CDC73: variants seen among roughly 807,000 people sequenced by gnomAD.
CDC73 encodes the protein parafibromin.
Under a neutral mutation model 83.7 loss-of-function variants are expected in CDC73, and 21 were observed. The observed-to-expected ratio is 0.25, with a 90% CI of 0.18 to 0.36. The LOEUF (loss-of-function observed/expected upper bound fraction) is 0.36. Ranked by LOEUF, CDC73 falls within the 10% of genes least tolerant of loss-of-function variation. The pLI is 1.00. For missense variants in CDC73, 342 were observed against 653.3 expected (o/e 0.52, Z 5.19); for synonymous variants, 224 against 212.9 (o/e 1.05, Z -0.45).
intron 7 of CDC73, among the ~76,000 whole-genome samples, chr1:193,144,112 C>CAAAAAAAAAA (rs67477778): frequency 0.074 from 4,722 of 63,718 alleles, 638 homozygotes; most frequent in Non-Finnish European, 0.094. Context: ...TCTGTCTCAC[C>CAAAAAAAAAA]AAAAAAAAAA....
chr1:193,225,943 A>G (rs1460142609), intron 13 of CDC73, among the ~76,000 whole-genome samples: 1 of 151,944 alleles, frequency 6.6e-6, no homozygotes, highest in African/African-American at 2.4e-5. Flanking sequence ...TTTTTACTGC[A>G]TCTGCTTTTT....
intron 15 of CDC73, among the ~76,000 whole-genome samples, chr1:193,239,464 A>G (rs1428062087): frequency 3.3e-5 from 5 of 152,190 alleles, no homozygotes; most frequent in Admixed American, 6.5e-5. Flanking sequence ...ACATCGTTTG[A>G]GAGAAGATTA....
chr1:193,197,798 C>T lies in CDC73; in HGVS notation c.973-5997C>T, dbSNP rs145107984. Among the ~76,000 whole-genome samples the T allele has an allele frequency of 4.8e-3, 724 of 151,926 alleles. 1 individual carries two copies. Among genetic ancestry groups the T allele is most frequent in the Middle Eastern group, 0.027 (8 of 294 alleles). ...AAAATTAGCCAGGTTTGATGGTGCA[C>T]GCCTGCACTCCCAGCTACTCAGGAG... On this transcript the variant is annotated intron_variant, in intron 10 of 16. Transcript: ENST00000367435.
At chr1:193,181,221 A>T (rs777270072) in intron 10 of CDC73, 3 of 1,614,050 alleles carry the variant, frequency 1.9e-6, no homozygotes, top group South Asian at 2.2e-5. Flanking sequence ...CACTAAGTGT[A>T]TTCTCCAGGC....
intron 10 of CDC73, among the ~76,000 whole-genome samples, chr1:193,203,148 A>G (rs377357266): frequency 4.7e-4 from 71 of 152,268 alleles, no homozygotes; most frequent in South Asian, 3.5e-3. Flanking sequence ...AGAGGCATCT[A>G]TCCTTGAGTA....
intron 13 of CDC73, among the ~76,000 whole-genome samples, chr1:193,225,799 A>G (rs1206206375): frequency 6.6e-6 from 1 of 151,976 alleles, no homozygotes; most frequent in East Asian, 1.9e-4. Flanking sequence ...GATTCTGGAT[A>G]TTAGTCCTTT....
intron 10 of CDC73, among the ~76,000 whole-genome samples, chr1:193,171,876 G>A (rs921085777): frequency 6.6e-6 from 1 of 152,156 alleles, no homozygotes; most frequent in African/African-American, 2.4e-5. Flanking sequence ...ATTTGTTAGT[G>A]TTGGAAGAAT....
At chr1:193,175,900 T>C (rs1053978627) in intron 10 of CDC73, among the ~76,000 whole-genome samples, 3 of 152,220 alleles carry the variant, frequency 2.0e-5, no homozygotes, top group Non-Finnish European at 4.4e-5. Flanking sequence ...TCAAGTTTAC[T>C]TGTCTTTTTT....
rs182824788 is a variant in CDC73 at position 193,163,299 on chromosome 1, A to G, written c.972+10855A>G. Among the ~76,000 whole-genome samples, 39 of 151,984 alleles carry G rather than the reference A, an allele frequency of 2.6e-4. 1 individual carries two copies. In the East Asian group the frequency reaches 6.8e-3, roughly 26 times the overall value. On this transcript the variant is annotated intron_variant, in intron 10 of 16. Transcript: ENST00000367435. Reference sequence around the variant, plus strand: ...GGCGGGTGGATTCCTTGAGCCCAGAAGTTCGAGACCAGCTTGGGCAATTTG... The same window carrying G: ...GGCGGGTGGATTCCTTGAGCCCAGAGGTTCGAGACCAGCTTGGGCAATTTG...
At chr1:193,223,886 C>T (rs1225341999) in intron 13 of CDC73, among the ~76,000 whole-genome samples, 1 of 147,534 alleles carries the variant, frequency 6.8e-6, no homozygotes, top group African/African-American at 2.5e-5. Flanking sequence ...TGTATTGATA[C>T]GTAATAGACC....
At chr1:193,188,254 C>A (rs1017372521) in intron 10 of CDC73, among the ~76,000 whole-genome samples, 1 of 152,018 alleles carries the variant, frequency 6.6e-6, no homozygotes, top group Non-Finnish European at 1.5e-5. Flanking sequence ...AGAACCAGTG[C>A]CTGGAGTTGT....
chr1:193,122,640 C>CA, intron 1 of CDC73: 1 of 339,334 alleles, frequency 2.9e-6, no homozygotes, highest in Non-Finnish European at 5.6e-6. Flanking sequence ...GACTGGTGCG[C>CA]AAGGGATACC....
intron 10 of CDC73, chr1:193,181,076 G>C: frequency 6.2e-7 from 1 of 1,613,944 alleles, no homozygotes; most frequent in Non-Finnish European, 8.5e-7. Context: ...GCTTCTATTT[G>C]TCCAGGCTCT....
intron 15 of CDC73, chr1:193,236,842 C>T (rs575589632): frequency 1.5e-3 from 245 of 160,124 alleles, no homozygotes; most frequent in Non-Finnish European, 2.7e-3. Flanking sequence ...TGCAGTGAGC[C>T]GAGATCACTT....
chr1:193,168,365 T>G (rs1387190810), intron 10 of CDC73, among the ~76,000 whole-genome samples: 1 of 152,082 alleles, frequency 6.6e-6, no homozygotes, highest in East Asian at 1.9e-4. Context: ...GGGATATAAA[T>G]AGGAGGGAGG....
chr1:193,235,560 C>G (rs916701034), intron 14 of CDC73, among the ~76,000 whole-genome samples: 1 of 152,020 alleles, frequency 6.6e-6, no homozygotes, highest in Non-Finnish European at 1.5e-5. Context: ...TTTCTCAATT[C>G]AATTAAGTAT....
intron 7 of CDC73, among the ~76,000 whole-genome samples, chr1:193,144,136 C>G (rs1353168915): frequency 7.0e-5 from 5 of 71,938 alleles, no homozygotes; most frequent in African/African-American, 2.2e-4. Flanking sequence ...AAAAAAATTT[C>G]ATGAGAGGTA....
At chr1:193,225,244 T>TTATA (rs1677545919) in intron 13 of CDC73, among the ~76,000 whole-genome samples, 1 of 45,780 alleles carries the variant, frequency 2.2e-5, no homozygotes, top group Non-Finnish European at 5.8e-5. Context: ...TAGTATTCCA[T>TTATA]GATATATATA....
At chr1:193,219,775 G>C (rs1227740479) in intron 13 of CDC73, among the ~76,000 whole-genome samples, 1 of 152,148 alleles carries the variant, frequency 6.6e-6, no homozygotes, top group Admixed American at 6.5e-5. Context: ...AATACCTGTT[G>C]TGTACTGTGC....
Sources: gnomAD v4.1 joint callset for allele counts (sites outside exome capture counted in the v4.1 genomes callset) on GRCh38, gnomAD v4.1.1 for gene constraint, MANE v1.5 for transcripts, NCBI Gene and HGNC (gene_info 2026-07-23, HGNC 2026-07-21) for gene names.